The following GFAP variants were observed in gnomAD, a reference collection of about 807,000 sequenced individuals.
GFAP encodes glial fibrillary acidic protein.
In GFAP, 38 loss-of-function variants were observed where a neutral mutation model predicts 49.3. That is an observed-to-expected ratio of 0.77 (90% CI 0.60 to 1.01). GFAP has a LOEUF of 1.01. Among genes scored for constraint, GFAP ranks in the 50% least tolerant of loss-of-function variants. The probability of loss-of-function intolerance (pLI) is 0.00; values close to 1 mark genes in which losing one functional copy is unlikely to be tolerated. For synonymous variants in GFAP, 222 were observed against 236.4 expected (o/e 0.94, Z 0.56); for missense variants, 463 against 579.1 (o/e 0.80, Z 2.06).
rs886053019 is a variant in GFAP at position 44,915,135 on chromosome 17, C to T, written c.352G>A (p.Ala118Thr). 2 of 1,614,124 alleles carry T rather than the reference C, an allele frequency of 1.2e-6. No homozygotes were observed. The highest frequency in any genetic ancestry group is 1.7e-6 in the Non-Finnish European group (2 of 1,180,038). ...CGCAGCCGCAGCTCTCGCAGCTCAG[C>T]CTGGTAGACGTCTGCCAGCTTGGTG... Reference protein sequence around the residue: ...EPTKLADVYQAELRELRLRLD... With the variant: ...EPTKLADVYQTELRELRLRLD... The change falls in exon 1 of 9, where the codon GCT (alanine) becomes ACT (threonine). Residue 118 changes from alanine to threonine, a missense_variant. Ala to Thr is a moderately conservative substitution (Grantham distance 58). Around this residue, in one of 3 missense-constraint regions of GFAP, gnomAD observed 362 missense variants for 445.5 expected, o/e 0.81. Coordinates refer to ENST00000588735, the MANE Select transcript of GFAP (RefSeq NM_002055.5). This position sits in a 1 kb window ranked among gnomAD's most constrained non-coding sequence, Gnocchi z 4.1.
Position 44,903,536 on chromosome 17 carries a change from C to T in GFAP, c.*3811G>A. On this transcript the variant is annotated 3_prime_UTR_variant, in exon 9 of 9. Transcript: ENST00000588735. ...CTTCTCATTCCGGTTTCCTTTGACC[C>T]ATTCTTGGGTGAGCGCCAGTGTTCT... 1.5e-6 allele frequency: 2 copies of T among 1,322,756 alleles called. No homozygotes were observed. The highest frequency in any genetic ancestry group is 1.9e-6 in the Non-Finnish European group (2 of 1,041,796). 81.9% of individuals were successfully genotyped at this position (1,322,756 alleles called of 1,614,324 possible).
chr17:44,911,482 G>A, intron 5 of GFAP, 26 bp from the exon 6 acceptor site: 1 of 1,579,640 alleles, frequency 6.3e-7, no homozygotes, highest in Non-Finnish European at 8.6e-7. Context: ...GGCCGGTCCC[G>A]CGGAGCCCCG....
In GFAP at chr17:44,903,536, C is replaced by G. The variant is rs534967532; in HGVS notation, c.*3811G>C. On this transcript the variant is annotated 3_prime_UTR_variant, in exon 9 of 9. Transcript: ENST00000588735. ...CTTCTCATTCCGGTTTCCTTTGACC[C>G]ATTCTTGGGTGAGCGCCAGTGTTCT... is the stretch of plus-strand genomic sequence containing the variant. 26 of 1,322,756 alleles carry G rather than the reference C, an allele frequency of 2.0e-5. No individual in the cohort carries two copies. Among genetic ancestry groups the G allele is most frequent in the Non-Finnish European group, 2.3e-5 (24 of 1,041,796 alleles). The allele number at this position is 1,322,756 out of a possible 1,614,324, so 81.9% of individuals were successfully genotyped here. A position where few individuals can be genotyped will look rare whatever the true frequency, so the allele number is the denominator to read the frequency against.
chr17:44,908,452 G>C, intron 7 of GFAP: 1 of 301,484 alleles, frequency 3.3e-6, no homozygotes, highest in Non-Finnish European at 6.2e-6. Flanking sequence ...AGACCAGGAG[G>C]GGTGCGGTGG....
In GFAP at chr17:44,905,109, T is replaced by C. The variant is rs1489281820; in HGVS notation, c.*2238A>G. On this transcript the variant is annotated 3_prime_UTR_variant, in exon 9 of 9. Transcript: ENST00000588735. ...GCTCTGAAGACCAGTTGTCCTTCAA[T>C]GTGTTTGTTAAATGATACCAGATGT... 3.4e-6 allele frequency: 5 copies of C among 1,455,170 alleles called. No homozygotes were observed. Among genetic ancestry groups the C allele is most frequent in the Non-Finnish European group, 4.6e-6 (5 of 1,079,202 alleles). The allele number at this position is 1,455,170 out of a possible 1,614,324, so 90.1% of individuals were successfully genotyped here. A position where few individuals can be genotyped will look rare whatever the true frequency, so the allele number is the denominator to read the frequency against.
rs777048832 is a variant in GFAP at position 44,911,352 on chromosome 17, G to C, written c.1011C>G (p.Ser337Arg). Residue 337 changes from serine to arginine, a missense_variant, in exon 6 of 9, where the codon AGC becomes AGG. Ser to Arg is a moderately radical substitution (Grantham distance 110, BLOSUM62 -1). Around this residue, in one of 3 missense-constraint regions of GFAP, gnomAD observed 362 missense variants for 445.5 expected, o/e 0.81. Coordinates refer to ENST00000588735, the MANE Select transcript of GFAP (RefSeq NM_002055.5). ...AGTGGCGGGCCATCTCGTCCTTGAG[G>C]CTCTGCCCCTCTTCCTCCAGCCGCG... is the stretch of plus-strand genomic sequence containing the variant. ...ALARLEEEGQ[S>R]LKDEMARHLQ... The C allele has an allele frequency of 2.5e-6, 4 of 1,614,048 alleles. No homozygotes were observed. The East Asian group carries it at 8.9e-5, about 36-fold the overall frequency.
At chr17:44,913,032 A>G (rs1006938662) in intron 4 of GFAP, 12 of 565,424 alleles carry the variant, frequency 2.1e-5, no homozygotes, top group African/African-American at 1.9e-4. Context: ...CACAGGGCTT[A>G]GAACAGAACA....
intron 8 of GFAP, chr17:44,907,856 G>A: frequency 1.5e-6 from 1 of 668,218 alleles, no homozygotes; most frequent in Non-Finnish European, 2.8e-6. Flanking sequence ...AGTGGCTTTG[G>A]TACCAAGGCT....
At position 44,910,731 on chromosome 17, in the gene GFAP, C is replaced by T; in HGVS notation, c.1128-73G>A. On this transcript the variant is annotated intron_variant, in intron 6 of 8. Transcript: ENST00000588735. ...CCTAGGCTGGGTCTTGGTGCGGGGC[C>T]ATCATGACAACTTGAACGCCCTTTT... 2.6e-6 allele frequency: 4 copies of T among 1,547,428 alleles called. No homozygotes were observed. The South Asian group carries it at 3.6e-5, about 14-fold the overall frequency.
rs181631221 is a variant in GFAP at position 44,904,603 on chromosome 17, C to T, written c.*2744G>A. On this transcript the variant is annotated 3_prime_UTR_variant, in exon 9 of 9. Transcript: ENST00000588735. ...GGGAGGGCGTGCTGGCCATCATTAA[C>T]TATGTGTCCAAAGTGGGCAGCCGGC... 2.6e-6 allele frequency: 4 copies of T among 1,550,612 alleles called. No homozygotes were observed. In the Admixed American group the frequency reaches 5.9e-5, roughly 23 times the overall value.
At position 44,903,794 on chromosome 17, in the gene GFAP, T is replaced by G; in HGVS notation, c.*3553A>C. The G allele has an allele frequency of 6.6e-7, 1 of 1,525,332 alleles. No homozygotes were observed. The highest frequency in any genetic ancestry group is 8.8e-7 in the Non-Finnish European group (1 of 1,134,216). The allele number at this position is 1,525,332 out of a possible 1,614,324, so 94.5% of individuals were successfully genotyped here. Reference sequence around the variant, plus strand: ...CCCTATGAGCCTTTAATGCCCTGGTTTTGCCCTGCCCCTCTGACCCCTGCC... The same window carrying G: ...CCCTATGAGCCTTTAATGCCCTGGTGTTGCCCTGCCCCTCTGACCCCTGCC... On this transcript the variant is annotated 3_prime_UTR_variant, in exon 9 of 9. Transcript: ENST00000588735.
chr17:44,910,710 G>A, intron 6 of GFAP, 52 bp from the exon 7 acceptor site: 1 of 1,564,490 alleles, frequency 6.4e-7, no homozygotes, highest in East Asian at 2.3e-5. Context: ...GACACCCCTA[G>A]GCTGGGTCTT....
Position 44,904,111 on chromosome 17 carries a change from T to C in GFAP, c.*3236A>G, listed in dbSNP as rs1489801248. On this transcript the variant is annotated 3_prime_UTR_variant, in exon 9 of 9. Coordinates refer to ENST00000588735, the MANE Select transcript of GFAP (RefSeq NM_002055.5). ...TGCTGACGGAGGCAGCCCAGGTACG[T>C]GTGGGCAGCGACATGCTGACCCGCT... The C allele has an allele frequency of 6.4e-7, 1 of 1,550,534 alleles. No individual in the cohort carries two copies. Among genetic ancestry groups the C allele is most frequent in the South Asian group, 1.2e-5 (1 of 84,058 alleles).
chr17:44,907,062 C>T lies in GFAP; in HGVS notation c.*285G>A. 1 of 542,738 alleles carries T rather than the reference C, an allele frequency of 1.8e-6. No homozygotes were observed. The allele number at this position is 542,738 out of a possible 1,614,324, so 33.6% of individuals were successfully genotyped here. On this transcript the variant is annotated 3_prime_UTR_variant, in exon 9 of 9. Coordinates refer to ENST00000588735, the MANE Select transcript of GFAP (RefSeq NM_002055.5). ...GCCCTCCTCCCCTTCTCTCCTTCCT[C>T]CTCATTCTAACGCAAGCTGCTGGCC...
chr17:44,911,909 T>C, intron 4 of GFAP, 112 bp from the exon 5 acceptor site: 1 of 1,289,206 alleles, frequency 7.8e-7, no homozygotes, highest in Non-Finnish European at 1.1e-6. Context: ...TGGCCCTGGC[T>C]GGGACTTTTC....
At chr17:44,909,971 G>T in intron 7 of GFAP, 2 of 1,483,292 alleles carry the variant, frequency 1.3e-6, no homozygotes, top group Non-Finnish European at 1.8e-6. Flanking sequence ...CAGTTACTCT[G>T]TACCACGTCC....
At chr17:44,911,486 A>G (rs2051764776) in intron 5 of GFAP, 30 bp from the exon 6 acceptor site, 1 of 1,577,372 alleles carries the variant, frequency 6.3e-7, no homozygotes, top group African/African-American at 1.3e-5. Context: ...GGTCCCGCGG[A>G]GCCCCGACCC....
Position 44,903,963 on chromosome 17 carries a change from C to T in GFAP, c.*3384G>A. 6 of 1,550,640 alleles carry T rather than the reference C, an allele frequency of 3.9e-6. No homozygotes were observed. The highest frequency in any genetic ancestry group is 5.2e-6 in the Non-Finnish European group (6 of 1,147,006). On this transcript the variant is annotated 3_prime_UTR_variant, in exon 9 of 9. Coordinates refer to ENST00000588735, the MANE Select transcript of GFAP (RefSeq NM_002055.5). ...ATGTTTGAAAATGCAGCCTACCTGG[C>T]CGACATGAGCTTTGAGCTTCCCTGT... is the stretch of plus-strand genomic sequence containing the variant.
Position 44,910,645 on chromosome 17 carries a change from C to G in GFAP, c.1141G>C (p.Val381Leu). ...ATCTGCAGGTTGGAGAAGGTCTGCA[C>G]GGGAATGGTGATCCTGAAAGAAAGC... ...EGEENRITIP[V>L]QTFSNLQIRE... Residue 381 changes from valine (V) to leucine (L), a missense_variant, in exon 7 of 9, where the codon GTG (valine) becomes CTG (leucine). By Grantham distance (32) the Val-to-Leu change is conservative. This residue lies in a region of GFAP where 362 missense variants were observed against 445.5 expected (regional missense o/e 0.81). Coordinates refer to ENST00000588735, the MANE Select transcript of GFAP (RefSeq NM_002055.5). The G allele has an allele frequency of 6.3e-7, 1 of 1,585,894 alleles. No individual in the cohort carries two copies. Among genetic ancestry groups the G allele is most frequent in the Non-Finnish European group, 8.6e-7 (1 of 1,166,112 alleles).
Sources: gnomAD v4.1 joint callset for allele counts on GRCh38, gnomAD v4.1.1 for gene constraint, gnomAD v4.1.1 regional missense constraint, Gnocchi (gnomAD v3.1) non-coding constraint, MANE v1.5 for transcripts, NCBI Gene and HGNC (gene_info 2026-07-23, HGNC 2026-07-21) for gene names.